ADIPOQ: variants seen among roughly 807,000 people sequenced by gnomAD.
ADIPOQ encodes adiponectin, C1Q and collagen domain containing.
In ADIPOQ, 19 loss-of-function variants were observed where a neutral mutation model predicts 16.1. That is an observed-to-expected ratio of 1.18 (90% CI 0.82 to 1.73). ADIPOQ has a LOEUF of 1.73. Among genes scored for constraint, ADIPOQ ranks in the 40% most tolerant of loss-of-function variants. ADIPOQ has a pLI of 0.00. For synonymous variants in ADIPOQ, 124 were observed against 125.5 expected (o/e 0.99, Z 0.08); for missense variants, 323 against 308.3 (o/e 1.05, Z -0.36).
chr3:186,855,077 G>A lies in ADIPOQ; in HGVS notation c.*373G>A, dbSNP rs200326826. On this transcript the variant is annotated 3_prime_UTR_variant, in exon 3 of 3. Coordinates refer to ENST00000320741, the MANE Select transcript of ADIPOQ (RefSeq NM_004797.4). Reference sequence around the variant, plus strand: ...TTAAGTGAATGTCTAAGGTCACACAGTATTAAGTGACAGTGCTAGAAATCA... The same window carrying A: ...TTAAGTGAATGTCTAAGGTCACACAATATTAAGTGACAGTGCTAGAAATCA... The A allele has an allele frequency of 2.0e-5, 6 of 295,788 alleles. No homozygotes were observed. Among genetic ancestry groups the A allele is most frequent in the South Asian group, 2.0e-4 (6 of 30,556 alleles). 18.3% of individuals were successfully genotyped at this position (295,788 alleles called of 1,614,324 possible).
rs918916925 is a variant in ADIPOQ at position 186,855,458 on chromosome 3, A to G, written c.*754A>G. 4.8e-5 allele frequency: 2 copies of G among 41,720 alleles called. No individual in the cohort carries two copies. Among genetic ancestry groups the G allele is most frequent in the Non-Finnish European group, 1.0e-4 (2 of 20,096 alleles). 2.6% of individuals were successfully genotyped at this position (41,720 alleles called of 1,614,324 possible). On this transcript the variant is annotated 3_prime_UTR_variant, in exon 3 of 3. Coordinates refer to ENST00000320741, the MANE Select transcript of ADIPOQ (RefSeq NM_004797.4). ...CAGGAGCTTCTCTGATGTGATATCC[A>G]CTTTTTTTTTTTTTGAGATGGAGTC...
chr3:186,854,167 G>T lies in ADIPOQ; in HGVS notation c.215-17G>T, dbSNP rs1711892491. Reference sequence around the variant, plus strand: ...AGTTCTGTTCTTTGTAGTCACTGAGGTCTTCTCATTCCTTAGGTCTTATTG... The same window carrying T: ...AGTTCTGTTCTTTGTAGTCACTGAGTTCTTCTCATTCCTTAGGTCTTATTG... On this transcript the variant is annotated splice_polypyrimidine_tract_variant and intron_variant, in intron 2 of 2. Transcript: ENST00000320741. 1 of 1,611,114 alleles carries T rather than the reference G, an allele frequency of 6.2e-7. No individual in the cohort carries two copies. Among genetic ancestry groups the T allele is most frequent in the Admixed American group, 1.7e-5 (1 of 59,708 alleles).
chr3:186,854,327 G>A lies in ADIPOQ; in HGVS notation c.358G>A (p.Glu120Lys), dbSNP rs1326847000. 6.2e-7 allele frequency: 1 copy of A among 1,614,206 alleles called. No individual in the cohort carries two copies. The highest frequency in any genetic ancestry group is 8.5e-7 in the Non-Finnish European group (1 of 1,180,028). The change falls in exon 3 of 3, where the codon GAG becomes AAG. Residue 120 changes from glutamate to lysine, a missense_variant. Physicochemically the swap from Glu to Lys is moderately conservative, Grantham distance 56. Transcript: ENST00000320741. ...VYRSAFSVGLETYVTIPNMPI... is the reference protein window; with the variant it reads ...VYRSAFSVGLKTYVTIPNMPI... ...CCGCTCAGCATTCAGTGTGGGATTGGAGACTTACGTTACTATCCCCAACAT... is the reference window on the plus strand; with the variant it reads ...CCGCTCAGCATTCAGTGTGGGATTGAAGACTTACGTTACTATCCCCAACAT...
rs200326826 is a variant in ADIPOQ at position 186,855,077 on chromosome 3, G to C, written c.*373G>C. The C allele has an allele frequency of 3.4e-6, 1 of 295,788 alleles. No homozygotes were observed. Among genetic ancestry groups the C allele is most frequent in the Non-Finnish European group, 6.5e-6 (1 of 153,882 alleles). The allele number at this position is 295,788 out of a possible 1,614,324, so 18.3% of individuals were successfully genotyped here. ...TTAAGTGAATGTCTAAGGTCACACA[G>C]TATTAAGTGACAGTGCTAGAAATCA... On this transcript the variant is annotated 3_prime_UTR_variant, in exon 3 of 3. Coordinates refer to ENST00000320741, the MANE Select transcript of ADIPOQ (RefSeq NM_004797.4).
intron 1 of ADIPOQ, among the ~76,000 whole-genome samples, chr3:186,843,729 A>G (rs710445): frequency 0.39 from 58,881 of 150,456 alleles, 12,117 homozygotes; most frequent in East Asian, 0.47. Flanking sequence ...AGCCTGGCAT[A>G]TAGTGGCAAC....
intron 1 of ADIPOQ, chr3:186,845,724 T>C (rs1035871346): frequency 6.6e-6 from 1 of 152,170 alleles, no homozygotes; most frequent in Non-Finnish European, 1.5e-5. Flanking sequence ...AGTGGTTGAA[T>C]TAGCTAGCAT....
intron 2 of ADIPOQ, 46 bp from the exon 3 acceptor site, chr3:186,854,138 C>G: frequency 6.3e-7 from 1 of 1,595,298 alleles, no homozygotes; most frequent in Non-Finnish European, 8.5e-7. Flanking sequence ...CCAACCTAGG[C>G]AGGAGTTCTG....
In ADIPOQ at chr3:186,855,042, G is replaced by A; in HGVS notation, c.*338G>A. The A allele has an allele frequency of 2.7e-6, 1 of 369,196 alleles. No individual in the cohort carries two copies. The highest frequency in any genetic ancestry group is 2.4e-5 in the South Asian group (1 of 42,510). 22.9% of individuals were successfully genotyped at this position (369,196 alleles called of 1,614,324 possible). A position where few individuals can be genotyped will look rare whatever the true frequency, so the allele number is the denominator to read the frequency against. ...CTGTTTTTACAGATTGTATCCTGAG[G>A]CTGAGAGAGTTAAGTGAATGTCTAA... On this transcript the variant is annotated 3_prime_UTR_variant, in exon 3 of 3. Transcript: ENST00000320741.
intron 2 of ADIPOQ, 142 bp downstream of exon 2, chr3:186,853,414 T>G (rs1452569164): frequency 4.5e-6 from 5 of 1,116,550 alleles, no homozygotes; most frequent in Middle Eastern, 2.9e-4. Context: ...TGAAGTGATT[T>G]GGGGTTGGTC....
Position 186,857,711 on chromosome 3 carries a change from A to C in ADIPOQ, c.*3007A>C, listed in dbSNP as rs1712058630. ...ATTGTGGATTTGTCCAATTCTCTTT[A>C]GTTCTGTCAGCTTTTGCTTCATATA... On this transcript the variant is annotated 3_prime_UTR_variant, in exon 3 of 3. Transcript: ENST00000320741. The C allele has an allele frequency of 6.6e-6, 1 of 152,112 alleles. No individual in the cohort carries two copies. 9.4% of individuals were successfully genotyped at this position (152,112 alleles called of 1,614,324 possible).
At chr3:186,847,790 T>A (rs1180292370) in intron 1 of ADIPOQ, among the ~76,000 whole-genome samples, 1 of 152,228 alleles carries the variant, frequency 6.6e-6, no homozygotes, top group Non-Finnish European at 1.5e-5. Context: ...AGCTTGTTGA[T>A]CCTTGTAAAA....
At position 186,847,475 on chromosome 3, in the gene ADIPOQ, G is replaced by T. The variant is rs554519774; in HGVS notation, c.-9+4726G>T. On this transcript the variant is annotated intron_variant, in intron 1 of 2. Coordinates refer to ENST00000320741, the MANE Select transcript of ADIPOQ (RefSeq NM_004797.4). ...TGCCTTTTTGTATGCTGCCAGGAAA[G>T]AAACATTAAGAAATCTTAAATTGAT... Among the ~76,000 whole-genome samples the T allele has an allele frequency of 2.2e-4, 33 of 152,288 alleles. No homozygotes were observed. In the South Asian group the frequency reaches 2.3e-3, roughly 11 times the overall value.
In ADIPOQ at chr3:186,854,263, A is replaced by G. The variant is rs766058649; in HGVS notation, c.294A>G (p.Gln98=). ...AEGPRGFPGI[Q]GRKGEPGEGA... ...GTCCCCGAGGCTTTCCGGGAATCCA[A>G]GGCAGGAAAGGAGAACCTGGAGAAG... The change falls in exon 3 of 3, where the codon CAA becomes CAG. Residue 98 remains glutamine, a synonymous_variant. Coordinates refer to ENST00000320741, the MANE Select transcript of ADIPOQ (RefSeq NM_004797.4). 6 of 1,613,902 alleles carry G rather than the reference A, an allele frequency of 3.7e-6. No homozygotes were observed. Among genetic ancestry groups the G allele is most frequent in the East Asian group, 4.5e-5 (2 of 44,878 alleles).
intron 1 of ADIPOQ, among the ~76,000 whole-genome samples, chr3:186,850,964 G>T (rs148125537): frequency 6.6e-6 from 1 of 152,052 alleles, no homozygotes; most frequent in East Asian, 1.9e-4. Flanking sequence ...ATATGATAAA[G>T]ATGAAAGATG....
At chr3:186,854,100 G>A in intron 2 of ADIPOQ, 84 bp from the exon 3 acceptor site, 2 of 1,451,054 alleles carry the variant, frequency 1.4e-6, no homozygotes, top group Non-Finnish European at 1.9e-6. Flanking sequence ...GTGAGTGGGA[G>A]CCACAGGGAT....
intron 1 of ADIPOQ, among the ~76,000 whole-genome samples, chr3:186,846,101 T>C (rs953090611): frequency 3.3e-5 from 5 of 152,120 alleles, no homozygotes; most frequent in Non-Finnish European, 7.4e-5. Context: ...ATAAATAACG[T>C]GTAAAATCTA....
intron 1 of ADIPOQ, among the ~76,000 whole-genome samples, chr3:186,844,474 G>T (rs1294533391): frequency 4.3e-5 from 6 of 140,992 alleles, no homozygotes; most frequent in Non-Finnish European, 7.5e-5. Context: ...TCACAGCATT[G>T]CACTCCAGCC....
Position 186,854,815 on chromosome 3 carries a change from T to G in ADIPOQ, c.*111T>G. ...TTTAGTTGGAGGCCTTTAGATATTA[T>G]TCATTCATTTACTCATTCATTTATT... On this transcript the variant is annotated 3_prime_UTR_variant, in exon 3 of 3. Coordinates refer to ENST00000320741, the MANE Select transcript of ADIPOQ (RefSeq NM_004797.4). 2.2e-6 allele frequency: 3 copies of G among 1,384,892 alleles called. No individual in the cohort carries two copies. The highest frequency in any genetic ancestry group is 1.4e-5 in the African/African-American group (1 of 69,862). The allele number at this position is 1,384,892 out of a possible 1,614,324, so 85.8% of individuals were successfully genotyped here.
chr3:186,854,957 G>A lies in ADIPOQ; in HGVS notation c.*253G>A. ...GAAGTAGTTGACAGTGCTATTTTGT[G>A]CCCACTGTCTCTCCTGATGCTCATA... On this transcript the variant is annotated 3_prime_UTR_variant, in exon 3 of 3. Coordinates refer to ENST00000320741, the MANE Select transcript of ADIPOQ (RefSeq NM_004797.4). The A allele has an allele frequency of 5.6e-6, 3 of 538,488 alleles. No individual in the cohort carries two copies. The highest frequency in any genetic ancestry group is 3.5e-5 in the East Asian group (1 of 28,666). The allele number at this position is 538,488 out of a possible 1,614,324, so 33.4% of individuals were successfully genotyped here.
Sources: allele counts gnomAD v4.1 joint callset (sites outside exome capture counted in the v4.1 genomes callset), GRCh38; gene constraint gnomAD v4.1.1; transcripts MANE v1.5; gene names NCBI Gene and HGNC (gene_info 2026-07-23, HGNC 2026-07-21).